ITLN2: variants seen among roughly 807,000 people sequenced by gnomAD.
ITLN2 encodes intelectin 2.
A neutral mutation model predicts 39.4 loss-of-function variants in ITLN2; 29 were observed. The observed-to-expected ratio is 0.74, with a 90% confidence interval of 0.55 to 1.00. The LOEUF (loss-of-function observed/expected upper bound fraction) is 1.00. ITLN2 is among the 50% of genes least tolerant of loss of function. ITLN2 has a pLI of 0.00. For missense variants in ITLN2, 412 were observed against 416.7 expected (o/e 0.99, Z 0.10); for synonymous variants, 156 against 153.4 (o/e 1.02, Z -0.12).
At position 160,952,692 on chromosome 1, in the gene ITLN2, T is replaced by A; in HGVS notation, c.121A>T (p.Thr41Ser). 1 of 1,614,080 alleles carries A rather than the reference T, an allele frequency of 6.2e-7. No individual in the cohort carries two copies. The highest frequency in any genetic ancestry group is 8.5e-7 in the Non-Finnish European group (1 of 1,179,988). ...AGGGAAGAAAAGGAGAAGGCACAGG[T>A]TTCGAATTCCCTCGAGAGCATCTCA... The part of the protein sequence containing the change: ...SLEMLSREFE[T>S]CAFSFSSLPR... Residue 41 changes from threonine (T) to serine (S), a missense_variant, in exon 3 of 8, where the codon ACC (threonine) becomes TCC (serine). By Grantham distance (58) the Thr-to-Ser change is moderately conservative (BLOSUM62 1). Transcript: ENST00000368029.
intron 2 of ITLN2, 138 bp downstream of exon 2, chr1:160,954,249 A>C: frequency 1.5e-6 from 1 of 675,472 alleles, no homozygotes; most frequent in South Asian, 1.9e-5. Flanking sequence ...TTGGCTGCCT[A>C]GCCTGGGTTC....
rs776952181 is a variant in ITLN2 at position 160,948,054 on chromosome 1, A to T, written c.722-22T>A. 6.5e-5 allele frequency: 103 copies of T among 1,583,304 alleles called. No individual in the cohort carries two copies. The Middle Eastern group carries it at 8.3e-4, about 13-fold the overall frequency. The stretch of plus-strand genomic sequence containing the variant: ...TCCCCTGAAAAAGAAGAGGTGAAGA[A>T]ACAGCCAAGTAGTCAAAGGATGAAC... On this transcript the variant is annotated intron_variant, in intron 6 of 7. Transcript: ENST00000368029.
At chr1:160,951,592 C>T (rs1014933088) in intron 3 of ITLN2, 18 of 296,406 alleles carry the variant, frequency 6.1e-5, no homozygotes, top group African/African-American at 2.6e-4. Context: ...AATCAGCACA[C>T]GCCACATCTG....
At chr1:160,948,064 T>C in intron 6 of ITLN2, 32 bp from the exon 7 acceptor site, 2 of 1,556,678 alleles carry the variant, frequency 1.3e-6, no homozygotes, top group African/African-American at 1.4e-5. Flanking sequence ...AACAGCCAAG[T>C]AGTCAAAGGA....
chr1:160,949,836 G>T, intron 6 of ITLN2: 1 of 523,208 alleles, frequency 1.9e-6, no homozygotes, highest in Non-Finnish European at 3.4e-6. Flanking sequence ...CTGGGATTAC[G>T]TGCTGTGAAA....
Position 160,954,369 on chromosome 1 carries a change from C to G in ITLN2, c.79+18G>C. 1 of 1,549,742 alleles carries G rather than the reference C, an allele frequency of 6.5e-7. No homozygotes were observed. Among genetic ancestry groups the G allele is most frequent in the Non-Finnish European group, 8.8e-7 (1 of 1,140,410 alleles). Reference sequence around the variant, plus strand: ...GGAGCCCAGGAAACTGCAGCTCCTACTCTCAGAAGCCATTTACCTGCACTG... The same window carrying G: ...GGAGCCCAGGAAACTGCAGCTCCTAGTCTCAGAAGCCATTTACCTGCACTG... On this transcript the variant is annotated intron_variant, in intron 2 of 7. Coordinates refer to ENST00000368029, the MANE Select transcript of ITLN2 (RefSeq NM_080878.3).
rs181557704 is a variant in ITLN2, at chr1:160,950,762, C to T, written c.442-51G>A. The T allele has an allele frequency of 6.3e-6, 10 of 1,578,770 alleles. No individual in the cohort carries two copies. In the South Asian group the frequency reaches 1.2e-4, roughly 19 times the overall value. On this transcript the variant is annotated intron_variant, in intron 4 of 7. Coordinates refer to ENST00000368029, the MANE Select transcript of ITLN2 (RefSeq NM_080878.3). ...GACTGGGCCAGGAGGTACCAGGAGG[C>T]AGAAGGTCCACATGTGCAGCCTCAG... is the stretch of plus-strand genomic sequence containing the variant.
At chr1:160,949,786 C>T in intron 6 of ITLN2, 2 of 378,396 alleles carry the variant, frequency 5.3e-6, no homozygotes, top group Non-Finnish European at 9.7e-6. Flanking sequence ...TTTTCTTTTC[C>T]CCACAATTAT....
At chr1:160,950,417 C>T in intron 5 of ITLN2, 136 bp downstream of exon 5, 1 of 1,150,928 alleles carries the variant, frequency 8.7e-7, no homozygotes, top group Non-Finnish European at 1.2e-6. Context: ...CATGAGTTCA[C>T]AGTGAATCAA....
chr1:160,954,431 C>A lies in ITLN2; in HGVS notation c.35G>T (p.Cys12Phe), dbSNP rs751892620. 1 of 1,580,926 alleles carries A rather than the reference C, an allele frequency of 6.3e-7. No individual in the cohort carries two copies. Among genetic ancestry groups the A allele is most frequent in the Non-Finnish European group, 8.6e-7 (1 of 1,161,938 alleles). Residue 12 changes from cysteine to phenylalanine, a missense_variant, in exon 2 of 8, where the codon TGC becomes TTC. Physicochemically the swap from Cys to Phe is radical, Grantham distance 205 (BLOSUM62 -2). Coordinates refer to ENST00000368029, the MANE Select transcript of ITLN2 (RefSeq NM_080878.3). ...LSMLRTMTRLCFLLFFSVATS... is the reference protein window; with the variant it reads ...LSMLRTMTRLFFLLFFSVATS... The stretch of plus-strand genomic sequence containing the variant: ...GGCCACAGAGAAGAATAACAGGAAG[C>A]AGAGTCTGGTCATTGTCCTCTAAGG...
chr1:160,954,117 GA>G (rs1671811150), intron 2 of ITLN2, among the ~76,000 whole-genome samples: 2 of 152,084 alleles, frequency 1.3e-5, no homozygotes, highest in Admixed American at 6.6e-5. Flanking sequence ...CTCACCCCAT[GA>G]ACCCCTCACA....
At chr1:160,953,160 G>A (rs954684749) in intron 2 of ITLN2, among the ~76,000 whole-genome samples, 2 of 152,154 alleles carry the variant, frequency 1.3e-5, no homozygotes, top group African/African-American at 4.8e-5. Flanking sequence ...GGACAGGAAG[G>A]AAAGGGGAGA....
intron 2 of ITLN2, 48 bp downstream of exon 2, chr1:160,954,339 A>T (rs368997023): frequency 1.5e-6 from 2 of 1,370,498 alleles, no homozygotes; most frequent in Non-Finnish European, 2.0e-6. Context: ...CCTGCACAGC[A>T]GAGGGGAGCC....
chr1:160,950,822 GCC>G, intron 4 of ITLN2, 111 bp from the exon 5 acceptor site: 1 of 1,501,168 alleles, frequency 6.7e-7, no homozygotes, highest in Non-Finnish European at 9.0e-7. Context: ...TAGGCAGATG[GCC>G]AGCCACGCTC....
intron 7 of ITLN2, among the ~76,000 whole-genome samples, chr1:160,946,494 G>T (rs1055954644): frequency 1.3e-5 from 2 of 151,890 alleles, no homozygotes; most frequent in African/African-American, 4.8e-5. Flanking sequence ...GGCGGATCAC[G>T]AGGTCAGGAG....
At chr1:160,946,720 A>C (rs1240599415) in intron 7 of ITLN2, among the ~76,000 whole-genome samples, 1 of 152,086 alleles carries the variant, frequency 6.6e-6, no homozygotes, top group East Asian at 1.9e-4. Flanking sequence ...CTCAAAGAAA[A>C]AAAAAAAGAA....
intron 5 of ITLN2, among the ~76,000 whole-genome samples, 169 bp downstream of exon 5, chr1:160,950,384 C>T (rs1376259961): frequency 2.0e-5 from 3 of 152,128 alleles, no homozygotes; most frequent in African/African-American, 7.2e-5. Flanking sequence ...TCCTTGCTGG[C>T]TTAGAGTTTC....
intron 6 of ITLN2, 170 bp downstream of exon 6, chr1:160,949,875 GT>G (rs1261068297): frequency 1.6e-6 from 1 of 620,186 alleles, no homozygotes; most frequent in Non-Finnish European, 2.7e-6. Context: ...TAACTTCATA[GT>G]TTTCTCATGG....
chr1:160,954,202 G>C (rs1557875850), intron 2 of ITLN2, among the ~76,000 whole-genome samples, 185 bp downstream of exon 2: 2 of 151,956 alleles, frequency 1.3e-5, no homozygotes, highest in Non-Finnish European at 2.9e-5. Context: ...CAGACCCCAG[G>C]AGAGGCCAGA....
Sources: allele counts gnomAD v4.1 joint callset (sites outside exome capture counted in the v4.1 genomes callset), GRCh38; gene constraint gnomAD v4.1.1; transcripts MANE v1.5; gene names NCBI Gene and HGNC (gene_info 2026-07-23, HGNC 2026-07-21).